Variants in PRMT3 observed in about 807,000 individuals in gnomAD.
PRMT3 encodes protein arginine methyltransferase 3, also known as protein arginine N-methyltransferase 3.
PRMT3 carries 62 observed loss-of-function variants against 71.9 expected under a neutral mutation model. The ratio of observed to expected loss-of-function variants is 0.86; its 90% CI spans 0.70 to 1.07. PRMT3 has a LOEUF of 1.07. Ranked by LOEUF, PRMT3 falls within the 50% of genes least tolerant of loss-of-function variation. PRMT3 has a pLI of 0.00. For synonymous variants in PRMT3, 213 were observed against 220.4 expected (o/e 0.97, Z 0.30); for missense variants, 663 against 643.0 (o/e 1.03, Z -0.34).
At chr11:20,426,477 T>C (rs1849549121) in intron 9 of PRMT3, among the ~76,000 whole-genome samples, 1 of 152,202 alleles carries the variant, frequency 6.6e-6, no homozygotes. Context: ...GTGTTGTTTG[T>C]TTTAAAGACA....
At chr11:20,411,116 G>A (rs1301422574) in intron 9 of PRMT3, among the ~76,000 whole-genome samples, 1 of 152,066 alleles carries the variant, frequency 6.6e-6, no homozygotes, top group Non-Finnish European at 1.5e-5. Context: ...TTTAAACCCA[G>A]CAATCTAGCA....
chr11:20,501,162 T>C (rs1287149879), intron 15 of PRMT3, among the ~76,000 whole-genome samples: 4 of 152,210 alleles, frequency 2.6e-5, no homozygotes, highest in South Asian at 4.1e-4. Flanking sequence ...TTAAATGTCT[T>C]CAGAGCTAAT....
intron 10 of PRMT3, among the ~76,000 whole-genome samples, chr11:20,443,007 A>G (rs1375245704): frequency 1.3e-5 from 2 of 152,166 alleles, no homozygotes; most frequent in Non-Finnish European, 2.9e-5. Flanking sequence ...GGATGGAGAA[A>G]GGGAAGGAGA....
chr11:20,491,377 G>A (rs981542921), intron 13 of PRMT3, among the ~76,000 whole-genome samples: 1 of 152,160 alleles, frequency 6.6e-6, no homozygotes, highest in African/African-American at 2.4e-5. Flanking sequence ...TTCTTTGTAT[G>A]TTGAGTAATT....
intron 13 of PRMT3, among the ~76,000 whole-genome samples, chr11:20,472,393 G>A (rs937342329): frequency 2.3e-4 from 35 of 152,048 alleles, no homozygotes; most frequent in African/African-American, 7.7e-4. Flanking sequence ...TAGTTTTAGA[G>A]TGTTTAACAT....
intron 8 of PRMT3, chr11:20,407,616 C>G: frequency 5.0e-6 from 1 of 201,168 alleles, no homozygotes; most frequent in Non-Finnish European, 1.0e-5. Context: ...CTTTCAACAA[C>G]TTTATTTCTT....
chr11:20,395,182 GT>G (rs1220107390), intron 5 of PRMT3, among the ~76,000 whole-genome samples: 3 of 151,838 alleles, frequency 2.0e-5, no homozygotes, highest in African/African-American at 7.3e-5. Context: ...TAAATATTAG[GT>G]TTTTTTCTTT....
intron 15 of PRMT3, among the ~76,000 whole-genome samples, chr11:20,496,923 CT>C (rs1851347365): frequency 6.6e-6 from 1 of 152,202 alleles, no homozygotes; most frequent in Non-Finnish European, 1.5e-5. Flanking sequence ...TTTTCTCTGT[CT>C]GCAGAAAGCT....
intron 9 of PRMT3, among the ~76,000 whole-genome samples, chr11:20,408,883 C>T (rs1849130448): frequency 6.6e-6 from 1 of 152,010 alleles, no homozygotes; most frequent in Non-Finnish European, 1.5e-5. Context: ...TGCTTGAGCC[C>T]AGGAGTTCAA....
chr11:20,465,733 G>A (rs879373283), intron 13 of PRMT3, among the ~76,000 whole-genome samples: 2 of 151,918 alleles, frequency 1.3e-5, no homozygotes, highest in Non-Finnish European at 2.9e-5. Context: ...ATAAAGATTT[G>A]TGACTTTGGA....
intron 7 of PRMT3, among the ~76,000 whole-genome samples, chr11:20,401,623 A>G (rs1848951450): frequency 6.6e-6 from 1 of 152,002 alleles, no homozygotes; most frequent in Non-Finnish European, 1.5e-5. Context: ...AATTGGTGTA[A>G]TATGTTCTTT....
chr11:20,426,663 T>C, intron 9 of PRMT3, 103 bp from the exon 10 acceptor site: 2 of 1,171,038 alleles, frequency 1.7e-6, no homozygotes, highest in Non-Finnish European at 2.2e-6. Flanking sequence ...TGAAATACTT[T>C]TTTGTCCCAC....
intron 10 of PRMT3, among the ~76,000 whole-genome samples, chr11:20,449,193 C>T (rs923039721): frequency 6.6e-6 from 1 of 152,246 alleles, no homozygotes. Flanking sequence ...TATTTTATCT[C>T]ATGAATGTCT....
intron 9 of PRMT3, among the ~76,000 whole-genome samples, chr11:20,423,897 AAAAAAG>A (rs1849481633): frequency 6.8e-6 from 1 of 146,958 alleles, no homozygotes; most frequent in Non-Finnish European, 1.5e-5. Flanking sequence ...AAAAAAAAAA[AAAAAAG>A]GCCAGGCGCG....
chr11:20,495,117 C>T (rs1260854251), intron 15 of PRMT3, among the ~76,000 whole-genome samples: 1 of 152,072 alleles, frequency 6.6e-6, no homozygotes, highest in Non-Finnish European at 1.5e-5. Flanking sequence ...CAACCTCCAC[C>T]TCCTGGGTTC....
chr11:20,402,032 G>A (rs1729050667), intron 7 of PRMT3, among the ~76,000 whole-genome samples: 1 of 152,140 alleles, frequency 6.6e-6, no homozygotes, highest in South Asian at 2.1e-4. Context: ...GTATGTAGCT[G>A]AAACGTATCC....
intron 10 of PRMT3, among the ~76,000 whole-genome samples, chr11:20,447,840 A>G (rs1341734433): frequency 6.6e-6 from 1 of 152,098 alleles, no homozygotes; most frequent in African/African-American, 2.4e-5. Flanking sequence ...TTAAATATGA[A>G]CACAAACTAT....
chr11:20,434,775 A>G (rs920235426), intron 10 of PRMT3, among the ~76,000 whole-genome samples: 2 of 152,046 alleles, frequency 1.3e-5, no homozygotes, highest in African/African-American at 4.8e-5. Context: ...TGCTGTTTTT[A>G]TTACTGTAGC....
chr11:20,440,110 C>T (rs1013948623), intron 10 of PRMT3, among the ~76,000 whole-genome samples: 1 of 152,100 alleles, frequency 6.6e-6, no homozygotes, highest in Admixed American at 6.5e-5. Flanking sequence ...GAGTAAAGTT[C>T]TAAATGGAAA....
Sources: allele counts gnomAD v4.1 joint callset (sites outside exome capture counted in the v4.1 genomes callset), GRCh38; gene constraint gnomAD v4.1.1; transcripts MANE v1.5; gene names NCBI Gene and HGNC (gene_info 2026-07-23, HGNC 2026-07-21).